The following SENP7 variants were observed in gnomAD, a reference collection of about 807,000 sequenced individuals.
SENP7 encodes the protein SUMO specific peptidase 7.
A neutral mutation model predicts 141.2 loss-of-function variants in SENP7; 64 were observed. That is an observed-to-expected ratio of 0.45 (90% CI 0.37 to 0.56). The LOEUF is 0.56. Ranked by LOEUF, SENP7 falls within the 20% of genes least tolerant of loss-of-function variation. The probability of loss-of-function intolerance (pLI) is 0.00; values close to 1 mark genes in which losing one functional copy is unlikely to be tolerated. For synonymous variants in SENP7, 382 were observed against 426.4 expected (o/e 0.90, Z 1.28); for missense variants, 1,025 against 1,212.2 (o/e 0.85, Z 2.29).
chr3:101,446,503 A>T (rs898767632), intron 4 of SENP7, among the ~76,000 whole-genome samples: 1 of 152,220 alleles, frequency 6.6e-6, no homozygotes, highest in Non-Finnish European at 1.5e-5. Flanking sequence ...TCCAGGGCAG[A>T]TCCTATGAAA....
intron 11 of SENP7, among the ~76,000 whole-genome samples, chr3:101,353,005 T>C (rs1000738951): frequency 6.6e-6 from 1 of 152,002 alleles, no homozygotes; most frequent in African/African-American, 2.4e-5. Flanking sequence ...AGTAAGTAGG[T>C]AAACTTAGGT....
chr3:101,347,423 A>T (rs1370064867), intron 13 of SENP7: 1 of 152,192 alleles, frequency 6.6e-6, no homozygotes, highest in African/African-American at 2.4e-5. Context: ...CTATCCTAAA[A>T]TTAAGAAACA....
intron 4 of SENP7, among the ~76,000 whole-genome samples, chr3:101,453,753 T>G (rs1056145476): frequency 1.3e-5 from 2 of 151,930 alleles, no homozygotes; most frequent in African/African-American, 4.8e-5. Flanking sequence ...CATTAGGAGA[T>G]ATACCTAATG....
chr3:101,420,470 C>A (rs971080081), intron 4 of SENP7, among the ~76,000 whole-genome samples: 1 of 152,198 alleles, frequency 6.6e-6, no homozygotes, highest in Non-Finnish European at 1.5e-5. Context: ...AAGAAACACA[C>A]GTTGTCTTAC....
chr3:101,481,111 A>G (rs538996457), intron 3 of SENP7, among the ~76,000 whole-genome samples: 7 of 151,864 alleles, frequency 4.6e-5, no homozygotes, highest in African/African-American at 9.7e-5. Context: ...GAACTAACCC[A>G]TGATACAGTA....
chr3:101,368,740 T>TA (rs1340572103), intron 7 of SENP7, among the ~76,000 whole-genome samples: 1 of 151,850 alleles, frequency 6.6e-6, no homozygotes, highest in East Asian at 1.9e-4. Context: ...ATAATAATAA[T>TA]AAAAAAGGGG....
chr3:101,458,170 G>A, intron 4 of SENP7, among the ~76,000 whole-genome samples: 1 of 152,084 alleles, frequency 6.6e-6, no homozygotes, highest in East Asian at 1.9e-4. Context: ...AACTGCTATG[G>A]AGTCACCAAT....
intron 4 of SENP7, among the ~76,000 whole-genome samples, chr3:101,428,832 C>A (rs1358418861): frequency 6.6e-6 from 1 of 152,014 alleles, no homozygotes; most frequent in Non-Finnish European, 1.5e-5. Context: ...TTAGGTCTTA[C>A]AGTTAAGTCT....
chr3:101,420,973 C>T (rs1008004515), intron 4 of SENP7, among the ~76,000 whole-genome samples: 3 of 152,054 alleles, frequency 2.0e-5, no homozygotes, highest in Non-Finnish European at 2.9e-5. Flanking sequence ...ACAAAAGTAA[C>T]TGCAGTTTTG....
At chr3:101,418,931 TAGTATAATCTGG>T (rs1299436831) in intron 4 of SENP7, among the ~76,000 whole-genome samples, 1 of 152,208 alleles carries the variant, frequency 6.6e-6, no homozygotes, top group East Asian at 1.9e-4. Flanking sequence ...ACAACGATGC[TAGTATAATCTGG>T]AGTTTCAGCT....
chr3:101,354,254 A>T (rs147321186), intron 11 of SENP7, among the ~76,000 whole-genome samples: 6 of 152,168 alleles, frequency 3.9e-5, no homozygotes, highest in African/African-American at 1.4e-4. Flanking sequence ...AGCAAACATA[A>T]ATAAAATTTG....
Position 101,407,297 on chromosome 3 carries a change from T to C in SENP7, c.483-8242A>G, listed in dbSNP as rs543567506. 9.9e-5 allele frequency among the ~76,000 whole-genome samples: 15 copies of C among 152,234 alleles called. No individual in the cohort carries two copies. In the South Asian group the frequency reaches 2.9e-3, roughly 29 times the overall value. ...CCCAAATTTATAAAACAACTACTAA[T>C]AGACCTACGAAATGAGATAGACAGC... On this transcript the variant is annotated intron_variant, in intron 5 of 23. Coordinates refer to ENST00000394095, the MANE Select transcript of SENP7 (RefSeq NM_020654.5).
rs1467614849 is a variant in SENP7 at position 101,386,497 on chromosome 3, C to G, written c.677+12364G>C. 3.3e-5 allele frequency among the ~76,000 whole-genome samples: 5 copies of G among 152,180 alleles called. No individual in the cohort carries two copies. The East Asian group carries it at 7.7e-4, about 23-fold the overall frequency. On this transcript the variant is annotated intron_variant, in intron 6 of 23. Transcript: ENST00000394095. The stretch of plus-strand genomic sequence containing the variant: ...CTGCAACGCAGTACCATTTTGAGAG[C>G]CTAGTTACCAACAGACGACATCATG...
intron 4 of SENP7, among the ~76,000 whole-genome samples, chr3:101,418,813 C>CA (rs934448323): frequency 2.9e-4 from 43 of 150,324 alleles, no homozygotes; most frequent in Non-Finnish European, 8.9e-5. Context: ...TGCACACACA[C>CA]AAAAAAAAAT....
At chr3:101,404,064 A>T (rs2061230630) in intron 5 of SENP7, among the ~76,000 whole-genome samples, 2 of 152,162 alleles carry the variant, frequency 1.3e-5, no homozygotes, top group Admixed American at 6.5e-5. Flanking sequence ...AATTAGAAAA[A>T]ACTACTTTAA....
chr3:101,381,102 G>A lies in SENP7; in HGVS notation c.678-8976C>T, dbSNP rs534623368. Among the ~76,000 whole-genome samples the A allele has an allele frequency of 6.6e-5, 10 of 152,296 alleles. 1 individual carries two copies. The highest frequency in any genetic ancestry group is 2.1e-4 in the South Asian group (1 of 4,822). On this transcript the variant is annotated intron_variant, in intron 6 of 23. Transcript: ENST00000394095. ...TCAGAAAAGTGGTTAATTCTAAGGC[G>A]AATGCATGGGAATGGGACAGAATGG...
chr3:101,503,996 T>C (rs1463019412), intron 1 of SENP7, among the ~76,000 whole-genome samples: 1 of 151,912 alleles, frequency 6.6e-6, no homozygotes, highest in East Asian at 1.9e-4. Flanking sequence ...ATATGTGTAC[T>C]GTATGGTACT....
chr3:101,442,593 A>C (rs899575486), intron 4 of SENP7, among the ~76,000 whole-genome samples: 5 of 152,168 alleles, frequency 3.3e-5, no homozygotes, highest in African/African-American at 1.2e-4. Flanking sequence ...TGGGGATCCC[A>C]ATCTAAGGAA....
chr3:101,487,369 T>C (rs976825512), intron 3 of SENP7, among the ~76,000 whole-genome samples: 3 of 152,222 alleles, frequency 2.0e-5, no homozygotes, highest in Admixed American at 2.0e-4. Flanking sequence ...ATCTGGATAT[T>C]AGACCTTTGT....
Sources: gnomAD v4.1 joint callset for allele counts (sites outside exome capture counted in the v4.1 genomes callset) on GRCh38, gnomAD v4.1.1 for gene constraint, MANE v1.5 for transcripts, NCBI Gene and HGNC (gene_info 2026-07-23, HGNC 2026-07-21) for gene names.